The following APC variants were observed in gnomAD, a reference collection of about 807,000 sequenced individuals.
The protein encoded by APC is APC regulator of Wnt signaling pathway, also known as adenomatous polyposis coli protein.
A neutral mutation model predicts 247.0 loss-of-function variants in APC; 72 were observed. That is an observed-to-expected ratio of 0.29 (90% confidence interval 0.24 to 0.35). The LOEUF (loss-of-function observed/expected upper bound fraction) is 0.35. Among genes scored for constraint, APC ranks in the 10% least tolerant of loss-of-function variants. APC has a pLI of 1.00. For missense variants in APC, 3,400 were observed against 3,360.7 expected (o/e 1.01, Z -0.29); for synonymous variants, 1,254 against 1,162.5 (o/e 1.08, Z -1.60).
intron 2 of APC, among the ~76,000 whole-genome samples, chr5:112,756,881 T>A (rs1476979888): frequency 1.3e-5 from 2 of 152,210 alleles, no homozygotes; most frequent in African/African-American, 4.8e-5. Flanking sequence ...TTATATTTTT[T>A]CAGATTTTTA....
At position 112,837,598 on chromosome 5, in the gene APC, C is replaced by A. The variant is rs1380127485; in HGVS notation, c.2004C>A (p.His668Gln). The A allele has an allele frequency of 6.2e-7, 1 of 1,612,378 alleles. No individual in the cohort carries two copies. Among genetic ancestry groups the A allele is most frequent in the Admixed American group, 1.7e-5 (1 of 59,968 alleles). ...ACTGTCTACAAACTTTATTACAACA[C>A]TTAAAATCTCATAGTTTGACAATAG... Reference protein sequence around the residue: ...ENNCLQTLLQHLKSHSLTIVS... With the variant: ...ENNCLQTLLQQLKSHSLTIVS... Residue 668 changes from histidine to glutamine, a missense_variant, in exon 16 of 16, where the codon CAC becomes CAA. Transcript: ENST00000257430.
chr5:112,830,347 AACT>A (rs34481414), intron 14 of APC, among the ~76,000 whole-genome samples: 82,683 of 151,792 alleles, frequency 0.54, 23,050 homozygotes, highest in East Asian at 0.82. Context: ...TACAAATTAA[AACT>A]ACAATGAGAT....
intron 2 of APC, among the ~76,000 whole-genome samples, chr5:112,757,536 C>G (rs1468801767): frequency 6.6e-6 from 1 of 152,036 alleles, no homozygotes; most frequent in Admixed American, 6.5e-5. Flanking sequence ...AATTTGAGAC[C>G]AGCCTGGGCA....
chr5:112,823,611 A>G (rs1490128800), intron 11 of APC, among the ~76,000 whole-genome samples: 2 of 152,228 alleles, frequency 1.3e-5, no homozygotes, highest in Non-Finnish European at 2.9e-5. Context: ...TTGTACATAT[A>G]TGAAGATTCT....
intron 11 of APC, among the ~76,000 whole-genome samples, 168 bp from the exon 12 acceptor site, chr5:112,826,940 A>G (rs1383546633): frequency 6.6e-6 from 1 of 152,232 alleles, no homozygotes; most frequent in African/African-American, 2.4e-5. Flanking sequence ...AATATATTAT[A>G]CAGAAGTTCT....
intron 3 of APC, 81 bp from the exon 4 acceptor site, chr5:112,767,108 C>A: frequency 8.3e-7 from 1 of 1,207,396 alleles, no homozygotes; most frequent in Non-Finnish European, 1.2e-6. Context: ...TAATATTTCA[C>A]TTTAAAATAA....
chr5:112,787,272 TATAAAAACAGATGGCTTAGTAG>T (rs1759071473), intron 6 of APC, among the ~76,000 whole-genome samples: 1 of 152,244 alleles, frequency 6.6e-6, no homozygotes, highest in African/African-American at 2.4e-5. Context: ...AAACTTAATT[TATAAAAACAGATGGCTTAGTAG>T]GCCCTAGTTT....
chr5:112,822,668 T>G (rs1379982790), intron 11 of APC, among the ~76,000 whole-genome samples: 1 of 152,194 alleles, frequency 6.6e-6, no homozygotes, highest in Non-Finnish European at 1.5e-5. Context: ...ATTTATAAAT[T>G]GCATCATGCT....
intron 1 of APC, chr5:112,738,347 G>A (rs1752569803): frequency 2.8e-5 from 28 of 985,524 alleles, no homozygotes; most frequent in South Asian, 2.3e-4. Flanking sequence ...CCTCCCTGGC[G>A]ACAAGGACAC....
chr5:112,712,792 C>T (rs1455898717), intron 1 of APC, among the ~76,000 whole-genome samples: 1 of 152,166 alleles, frequency 6.6e-6, no homozygotes, highest in Non-Finnish European at 1.5e-5. Context: ...GGTTCTTCTC[C>T]CACTGTCAAT....
At chr5:112,834,849 G>A in intron 14 of APC, 102 bp from the exon 15 acceptor site, 3 of 1,054,978 alleles carry the variant, frequency 2.8e-6, no homozygotes, top group Non-Finnish European at 4.4e-6. Flanking sequence ...CGGGCAATAG[G>A]ATAGATTAAA....
chr5:112,755,318 T>C (rs1299941455), intron 2 of APC, among the ~76,000 whole-genome samples: 1 of 152,226 alleles, frequency 6.6e-6, no homozygotes, highest in Non-Finnish European at 1.5e-5. Context: ...GGCAAGGTTT[T>C]CTGTGTAGTT....
chr5:112,796,783 CA>C (rs1760252545), intron 7 of APC, among the ~76,000 whole-genome samples: 1 of 151,884 alleles, frequency 6.6e-6, no homozygotes, highest in African/African-American at 2.4e-5. Flanking sequence ...TTTAAATAGG[CA>C]GTGTTTTGTT....
Position 112,843,596 on chromosome 5 carries a change from A to G in APC, c.8002A>G (p.Asn2668Asp), listed in dbSNP as rs2149997725. The G allele has an allele frequency of 6.2e-7, 1 of 1,614,014 alleles. No individual in the cohort carries two copies. The highest frequency in any genetic ancestry group is 8.5e-7 in the Non-Finnish European group (1 of 1,179,926). The change falls in exon 16 of 16, where the codon AAT becomes GAT. Residue 2668 changes from asparagine to aspartate, a missense_variant. Around this residue, in one of 9 missense-constraint regions of APC, gnomAD observed 1,788 missense variants for 1,649.5 expected, o/e 1.08. Transcript: ENST00000257430. This position sits in a 1 kb window ranked among gnomAD's most constrained non-coding sequence, Gnocchi z 4.8. ...WVRIEDCPINNPRSGRSPTGN... is the reference protein window; with the variant it reads ...WVRIEDCPINDPRSGRSPTGN... ...GAGAATTGAGGACTGTCCCATTAAC[A>G]ATCCTAGATCTGGAAGATCTCCCAC...
chr5:112,712,364 C>A (rs1254563891), intron 1 of APC, among the ~76,000 whole-genome samples: 2 of 152,086 alleles, frequency 1.3e-5, no homozygotes, highest in Non-Finnish European at 2.9e-5. Flanking sequence ...CAACCCTCAC[C>A]TAGTGTGTGT....
At chr5:112,716,620 A>G (rs1158556150) in intron 1 of APC, among the ~76,000 whole-genome samples, 3 of 152,096 alleles carry the variant, frequency 2.0e-5, no homozygotes, top group Non-Finnish European at 4.4e-5. Context: ...TTGTTTGCTC[A>G]TCAGTTACTA....
chr5:112,828,779 T>TA (rs564300785), intron 13 of APC, 77 bp from the exon 14 acceptor site: 1 of 995,964 alleles, frequency 1.0e-6, no homozygotes, highest in Non-Finnish European at 1.6e-6. Flanking sequence ...TTTCTATTCT[T>TA]ACTGCTAGCA....
In APC at chr5:112,707,585, C is replaced by T. The variant is rs79896135; in HGVS notation, c.-133C>T. On this transcript the variant is annotated 5_prime_UTR_variant, in exon 1 of 14. Transcript: ENST00000507379. Reference sequence around the variant, plus strand: ...GGCCGCCGGAAGCCTAGCCGCTGCTCGGGGGGGACCTGCGGGCTCAGGCCC... The same window carrying T: ...GGCCGCCGGAAGCCTAGCCGCTGCTTGGGGGGGACCTGCGGGCTCAGGCCC... The T allele has an allele frequency of 1.2e-4, 118 of 967,422 alleles. 1 individual carries two copies. Among genetic ancestry groups the T allele is most frequent in the Middle Eastern group, 1.1e-3 (4 of 3,746 alleles). 59.9% of individuals were successfully genotyped at this position (967,422 alleles called of 1,614,324 possible). A position where few individuals can be genotyped will look rare whatever the true frequency, so the allele number is the denominator to read the frequency against.
intron 7 of APC, among the ~76,000 whole-genome samples, 197 bp from the exon 8 acceptor site, chr5:112,801,082 C>T (rs531067559): frequency 2.6e-5 from 4 of 152,238 alleles, no homozygotes; most frequent in African/African-American, 9.6e-5. Context: ...TCAAGGGACA[C>T]ACTTCACTTT....
Sources: allele counts gnomAD v4.1 joint callset (sites outside exome capture counted in the v4.1 genomes callset), GRCh38; gene constraint gnomAD v4.1.1; regional missense constraint gnomAD v4.1.1; non-coding constraint Gnocchi (gnomAD v3.1); transcripts MANE v1.5; gene names NCBI Gene and HGNC (gene_info 2026-07-23, HGNC 2026-07-21).